Variants in GSK3B observed in about 807,000 individuals in gnomAD.
GSK3B encodes the protein glycogen synthase kinase-3 beta.
GSK3B carries 15 observed loss-of-function variants against 56.4 expected under a neutral mutation model. The observed-to-expected ratio is 0.27, with a 90% confidence interval of 0.18 to 0.41. GSK3B has a LOEUF of 0.41. GSK3B is among the 10% of genes least tolerant of loss of function. The pLI, the probability that GSK3B is intolerant of heterozygous loss-of-function variation, is 1.00. For synonymous variants in GSK3B, 181 were observed against 188.9 expected (o/e 0.96, Z 0.34); for missense variants, 300 against 513.4 (o/e 0.58, Z 4.02).
chr3:119,919,659 T>C (rs889954584), intron 4 of GSK3B, among the ~76,000 whole-genome samples: 8 of 152,072 alleles, frequency 5.3e-5, no homozygotes, highest in African/African-American at 1.7e-4. Flanking sequence ...AAATACAGGA[T>C]GCCAGATATC....
intron 2 of GSK3B, among the ~76,000 whole-genome samples, chr3:119,947,731 T>C (rs542685355): frequency 2.0e-5 from 3 of 151,978 alleles, no homozygotes; most frequent in African/African-American, 7.2e-5. Flanking sequence ...TTCAAAACTG[T>C]AAGAACTGTT....
At chr3:120,034,873 C>T (rs1055446363) in intron 1 of GSK3B, among the ~76,000 whole-genome samples, 1 of 152,130 alleles carries the variant, frequency 6.6e-6, no homozygotes, top group Non-Finnish European at 1.5e-5. Context: ...CCAAGTAGGG[C>T]AGATCACTTG....
intron 1 of GSK3B, among the ~76,000 whole-genome samples, chr3:120,013,259 T>G (rs1229499398): frequency 6.6e-6 from 1 of 152,228 alleles, no homozygotes; most frequent in Non-Finnish European, 1.5e-5. Context: ...TGTCTGGCAC[T>G]GACACTCTAA....
At chr3:120,036,007 G>A (rs2058019385) in intron 1 of GSK3B, among the ~76,000 whole-genome samples, 1 of 152,034 alleles carries the variant, frequency 6.6e-6, no homozygotes, top group Non-Finnish European at 1.5e-5. Context: ...CTAGTACAAT[G>A]TTAAAAAAAA....
intron 6 of GSK3B, among the ~76,000 whole-genome samples, chr3:119,910,712 C>T (rs1298056477): frequency 1.3e-5 from 2 of 152,096 alleles, no homozygotes; most frequent in African/African-American, 2.4e-5. Flanking sequence ...AGCATTTTAC[C>T]CACATTAGAA....
chr3:119,913,848 T>C (rs1359776061), intron 5 of GSK3B, among the ~76,000 whole-genome samples: 1 of 152,096 alleles, frequency 6.6e-6, no homozygotes, highest in Admixed American at 6.6e-5. Flanking sequence ...AGTACTGACA[T>C]ACAATAACCA....
In GSK3B at chr3:119,951,336, T is replaced by A. The variant is rs150323564; in HGVS notation, c.283-3985A>T. Among the ~76,000 whole-genome samples, 61 of 152,230 alleles carry A rather than the reference T, an allele frequency of 4.0e-4. No individual in the cohort carries two copies. The East Asian group carries it at 0.012, about 29-fold the overall frequency. ...CCTGTAATCCCACCACTTTGGGAGGTTCAGGCGGGCAGATCACCTGAGGAC... is the reference window on the plus strand; with the variant it reads ...CCTGTAATCCCACCACTTTGGGAGGATCAGGCGGGCAGATCACCTGAGGAC... On this transcript the variant is annotated intron_variant, in intron 2 of 10. Transcript: ENST00000264235.
In GSK3B at chr3:119,947,361, A is replaced by AC. The variant is rs1371701382; in HGVS notation, c.283-11_283-10insG. The AC allele has an allele frequency of 5.4e-6, 8 of 1,486,556 alleles. No homozygotes were observed. In the Admixed American group the frequency reaches 6.7e-5, roughly 12 times the overall value. The allele number at this position is 1,486,556 out of a possible 1,614,324, so 92.1% of individuals were successfully genotyped here. On this transcript the variant is annotated splice_polypyrimidine_tract_variant and intron_variant, in intron 2 of 10. Transcript: ENST00000264235. ...TCTGGAGCTCTCGATTCTGAAAAGG[A>AC]AACACATAAAAATATATTTTTAAAG...
At chr3:120,046,590 A>T (rs2058104914) in intron 1 of GSK3B, among the ~76,000 whole-genome samples, 1 of 152,152 alleles carries the variant, frequency 6.6e-6, no homozygotes, top group Non-Finnish European at 1.5e-5. Context: ...ATTCATTATT[A>T]AAATTTTAAT....
chr3:120,090,376 C>A (rs2058500947), intron 1 of GSK3B, among the ~76,000 whole-genome samples: 1 of 152,072 alleles, frequency 6.6e-6, no homozygotes, highest in Non-Finnish European at 1.5e-5. Flanking sequence ...ATATCATTGC[C>A]AGTAACTAAC....
At chr3:119,916,489 G>T (rs1486123195) in intron 4 of GSK3B, among the ~76,000 whole-genome samples, 3 of 152,058 alleles carry the variant, frequency 2.0e-5, no homozygotes, top group Non-Finnish European at 4.4e-5. Context: ...GCTAAGATGG[G>T]CTTTTATTTA....
At chr3:119,861,339 C>T (rs180985474) in intron 9 of GSK3B, among the ~76,000 whole-genome samples, 5 of 152,018 alleles carry the variant, frequency 3.3e-5, no homozygotes, top group African/African-American at 4.8e-5. Context: ...GGCGAAACCC[C>T]GTCTCTACTG....
At chr3:119,827,519 G>A (rs1369932327) in intron 10 of GSK3B, among the ~76,000 whole-genome samples, 1 of 145,420 alleles carries the variant, frequency 6.9e-6, no homozygotes, top group Admixed American at 7.1e-5. Context: ...AGGACTGCTT[G>A]AGCCAGAGAG....
At position 120,017,002 on chromosome 3, in the gene GSK3B, A is replaced by G. The variant is rs566887103; in HGVS notation, c.89-14763T>C. On this transcript the variant is annotated intron_variant, in intron 1 of 10. Coordinates refer to ENST00000264235, the MANE Select transcript of GSK3B (RefSeq NM_001146156.2). ...CATACACGTCTAAAAGGCTTACAGCATGTGCATAAAAATCTTTGGCTTTTA... is the reference window on the plus strand; with the variant it reads ...CATACACGTCTAAAAGGCTTACAGCGTGTGCATAAAAATCTTTGGCTTTTA... 1.8e-4 allele frequency among the ~76,000 whole-genome samples: 28 copies of G among 152,352 alleles called. No homozygotes were observed. The East Asian group carries it at 5.2e-3, about 28-fold the overall frequency.
intron 1 of GSK3B, among the ~76,000 whole-genome samples, chr3:120,056,826 G>C (rs1032373156): frequency 6.6e-6 from 1 of 152,138 alleles, no homozygotes; most frequent in South Asian, 2.1e-4. Flanking sequence ...TAATACACAA[G>C]GGGCCAATAT....
chr3:119,968,199 T>C (rs2057336998), intron 2 of GSK3B, among the ~76,000 whole-genome samples: 1 of 152,030 alleles, frequency 6.6e-6, no homozygotes, highest in Admixed American at 6.6e-5. Context: ...GCTCCCTATG[T>C]TGCCCAGGGT....
chr3:119,978,473 C>T (rs1207347057), intron 2 of GSK3B, among the ~76,000 whole-genome samples: 2 of 152,180 alleles, frequency 1.3e-5, no homozygotes, highest in Admixed American at 6.5e-5. Context: ...CTGCCAGCCG[C>T]GTTTTGTGTT....
chr3:119,917,834 T>A lies in GSK3B; in HGVS notation c.478-1660A>T, dbSNP rs77218182. On this transcript the variant is annotated intron_variant, in intron 4 of 10. Transcript: ENST00000264235. The stretch of plus-strand genomic sequence containing the variant: ...TGCAATATTATATATTTGTTGTTAT[T>A]TCACTTTGTAAAAGTGTATTTATAA... Among the ~76,000 whole-genome samples, 114 of 152,220 alleles carry A rather than the reference T, an allele frequency of 7.5e-4. No homozygotes were observed. In the East Asian group the frequency reaches 0.019, roughly 25 times the overall value.
chr3:119,952,278 A>G (rs550056893), intron 2 of GSK3B, among the ~76,000 whole-genome samples: 15 of 152,180 alleles, frequency 9.9e-5, no homozygotes, highest in South Asian at 6.2e-4. Context: ...ACCTGAGGTC[A>G]GGAGTTCAAG....
Sources: gnomAD v4.1 joint callset for allele counts (sites outside exome capture counted in the v4.1 genomes callset) on GRCh38, gnomAD v4.1.1 for gene constraint, MANE v1.5 for transcripts, NCBI Gene and HGNC (gene_info 2026-07-23, HGNC 2026-07-21) for gene names.